Variants in ADAM10 observed in about 807,000 individuals in gnomAD.
ADAM10 encodes ADAM metallopeptidase domain 10.
A neutral mutation model predicts 90.1 loss-of-function variants in ADAM10; 17 were observed. The ratio of observed to expected loss-of-function variants is 0.19; its 90% CI spans 0.13 to 0.28. The LOEUF (loss-of-function observed/expected upper bound fraction) is 0.28, where lower values mean the gene tolerates loss of function less well. Ranked by LOEUF, ADAM10 falls within the 10% of genes least tolerant of loss-of-function variation. The probability of loss-of-function intolerance (pLI) is 1.00; values close to 1 mark genes in which losing one functional copy is unlikely to be tolerated. For missense variants in ADAM10, 610 were observed against 914.3 expected (o/e 0.67, Z 4.29); for synonymous variants, 310 against 298.6 (o/e 1.04, Z -0.40).
At chr15:58,716,295 G>A (rs148734743) in intron 2 of ADAM10, among the ~76,000 whole-genome samples, 132 of 152,240 alleles carry the variant, frequency 8.7e-4, no homozygotes, top group South Asian at 2.1e-3. Context: ...TGCCTGCTGT[G>A]AGGAACAGAA....
rs148227540 is a variant in ADAM10, at chr15:58,731,705, G to A, written c.56-13978C>T. The stretch of plus-strand genomic sequence containing the variant: ...CTCAGAAGGCAACAAGCACCCTGAG[G>A]TGACCCCACCCAAGGTAACTGGTAT... On this transcript the variant is annotated intron_variant, in intron 1 of 15. Coordinates refer to ENST00000260408, the MANE Select transcript of ADAM10 (RefSeq NM_001110.4). Among the ~76,000 whole-genome samples, 818 of 152,246 alleles carry A rather than the reference G, an allele frequency of 5.4e-3. 8 individuals carry two copies. Among genetic ancestry groups the A allele is most frequent in the African/African-American group, 0.018 (742 of 41,544 alleles).
At position 58,596,334 on chromosome 15, in the gene ADAM10, C is replaced by T. The variant is rs1894949553; in HGVS notation, c.*1213G>A. 6.6e-6 allele frequency: 1 copy of T among 152,506 alleles called. No individual in the cohort carries two copies. Among genetic ancestry groups the T allele is most frequent in the Non-Finnish European group, 1.5e-5 (1 of 67,982 alleles). The allele number at this position is 152,506 out of a possible 1,614,324, so 9.4% of individuals were successfully genotyped here. A position where few individuals can be genotyped will look rare whatever the true frequency, so the allele number is the denominator to read the frequency against. On this transcript the variant is annotated 3_prime_UTR_variant, in exon 16 of 16. Transcript: ENST00000260408. Reference sequence around the variant, plus strand: ...TTCTCTTTAAAATGCCAATTATTTACATCTGTTTCAAAAATAAATTTGGAA... The same window carrying T: ...TTCTCTTTAAAATGCCAATTATTTATATCTGTTTCAAAAATAAATTTGGAA...
intron 1 of ADAM10, among the ~76,000 whole-genome samples, chr15:58,718,990 C>T (rs1270924440): frequency 6.6e-6 from 1 of 152,164 alleles, no homozygotes; most frequent in African/African-American, 2.4e-5. Flanking sequence ...TACTGTTTCC[C>T]CTCTCAGGGT....
At chr15:58,695,087 T>A (rs1383679578) in intron 2 of ADAM10, among the ~76,000 whole-genome samples, 1 of 152,214 alleles carries the variant, frequency 6.6e-6, no homozygotes, top group Non-Finnish European at 1.5e-5. Context: ...TGTACATTTT[T>A]AAACATTGTC....
At chr15:58,734,508 T>C (rs554172677) in intron 1 of ADAM10, among the ~76,000 whole-genome samples, 50 of 152,192 alleles carry the variant, frequency 3.3e-4, no homozygotes, top group African/African-American at 1.1e-3. Flanking sequence ...AAAGACAGCC[T>C]GGGCAAGATG....
intron 5 of ADAM10, among the ~76,000 whole-genome samples, chr15:58,657,764 G>A (rs545034051): frequency 6.6e-6 from 1 of 152,082 alleles, no homozygotes; most frequent in Non-Finnish European, 1.5e-5. Context: ...TGTGGATGTT[G>A]GTTCACGTCT....
In ADAM10 at chr15:58,723,566, G is replaced by A. The variant is rs148296155; in HGVS notation, c.56-5839C>T. Among the ~76,000 whole-genome samples the A allele has an allele frequency of 8.4e-3, 1,282 of 152,070 alleles. 19 individuals carry two copies. The highest frequency in any genetic ancestry group is 0.029 in the African/African-American group (1,208 of 41,462). On this transcript the variant is annotated intron_variant, in intron 1 of 15. Transcript: ENST00000260408. ...AAATACAAAAAAAAATTAGCCTGCC[G>A]TGGTGACTGACGCCTGTAATCCCAG...
Position 58,658,270 on chromosome 15 carries a change from C to T in ADAM10, c.585+6827G>A, listed in dbSNP as rs558549232. On this transcript the variant is annotated intron_variant, in intron 5 of 15. Transcript: ENST00000260408. ...GTTCCAGTACCATTTGTTGAAAAGACTGTTCTTTCCTCTTTTAAATTACCT... is the reference window on the plus strand; with the variant it reads ...GTTCCAGTACCATTTGTTGAAAAGATTGTTCTTTCCTCTTTTAAATTACCT... 2.6e-5 allele frequency among the ~76,000 whole-genome samples: 4 copies of T among 152,070 alleles called. 1 individual carries two copies. In the South Asian group the frequency reaches 8.3e-4, roughly 32 times the overall value.
At chr15:58,678,427 T>C (rs1314355167) in intron 4 of ADAM10, among the ~76,000 whole-genome samples, 2 of 152,090 alleles carry the variant, frequency 1.3e-5, no homozygotes, top group African/African-American at 4.8e-5. Context: ...GAGAGACTAG[T>C]CTAATTACAG....
At chr15:58,649,928 G>A (rs372520928) in intron 5 of ADAM10, among the ~76,000 whole-genome samples, 2 of 152,222 alleles carry the variant, frequency 1.3e-5, no homozygotes, top group South Asian at 2.1e-4. Flanking sequence ...CAGACCTTCT[G>A]AAGGTATCAT....
chr15:58,653,976 A>G (rs1273670243), intron 5 of ADAM10, among the ~76,000 whole-genome samples: 1 of 151,988 alleles, frequency 6.6e-6, no homozygotes, highest in African/African-American at 2.4e-5. Flanking sequence ...TTTTCTCTAC[A>G]TTTTGCAATT....
rs182088330 is a variant in ADAM10, at chr15:58,685,420, G to A, written c.207-3106C>T. Reference sequence around the variant, plus strand: ...AGAGCTTGCAGTGAGCCGAGATCACGCCACTGCACTGCAGCCTAGGTGACA... The same window carrying A: ...AGAGCTTGCAGTGAGCCGAGATCACACCACTGCACTGCAGCCTAGGTGACA... On this transcript the variant is annotated intron_variant, in intron 2 of 15. Coordinates refer to ENST00000260408, the MANE Select transcript of ADAM10 (RefSeq NM_001110.4). 4.9e-4 allele frequency among the ~76,000 whole-genome samples: 74 copies of A among 150,924 alleles called. 2 individuals are homozygous for A. The East Asian group carries it at 0.014, about 28-fold the overall frequency.
chr15:58,597,179 A>G lies in ADAM10; in HGVS notation c.*368T>C. The G allele has an allele frequency of 1.8e-6, 1 of 563,732 alleles. No individual in the cohort carries two copies. Among genetic ancestry groups the G allele is most frequent in the Non-Finnish European group, 3.1e-6 (1 of 327,572 alleles). The allele number at this position is 563,732 out of a possible 1,614,324, so 34.9% of individuals were successfully genotyped here. On this transcript the variant is annotated 3_prime_UTR_variant, in exon 16 of 16. Transcript: ENST00000260408. ...TAGCCTTGATTGGCAGTTGAAAAAA[A>G]TATATTTATTTCAATTTGTGGTAAA...
chr15:58,639,957 A>G (rs1014629464), intron 8 of ADAM10, among the ~76,000 whole-genome samples: 3 of 152,068 alleles, frequency 2.0e-5, no homozygotes, highest in Non-Finnish European at 4.4e-5. Flanking sequence ...AGCTCAGAAG[A>G]TAATATACTA....
intron 8 of ADAM10, 26 bp from the exon 9 acceptor site, chr15:58,633,385 A>C (rs1896154646): frequency 1.2e-6 from 2 of 1,604,880 alleles, no homozygotes; most frequent in African/African-American, 2.7e-5. Context: ...AAAATGGCTA[A>C]ATTAGTATCT....
intron 8 of ADAM10, among the ~76,000 whole-genome samples, chr15:58,638,467 T>A (rs1286861813): frequency 6.6e-6 from 1 of 151,714 alleles, no homozygotes; most frequent in African/African-American, 2.4e-5. Context: ...TATAAAAAAT[T>A]AGCCACGCAT....
chr15:58,596,769 CCA>C lies in ADAM10; in HGVS notation c.*776_*777del, dbSNP rs1301784809. 1 of 152,462 alleles carries C rather than the reference CCA, an allele frequency of 6.6e-6. No individual in the cohort carries two copies. Among genetic ancestry groups the C allele is most frequent in the East Asian group, 1.9e-4 (1 of 5,206 alleles). The allele number at this position is 152,462 out of a possible 1,614,324, so 9.4% of individuals were successfully genotyped here. On this transcript the variant is annotated 3_prime_UTR_variant, in exon 16 of 16. Coordinates refer to ENST00000260408, the MANE Select transcript of ADAM10 (RefSeq NM_001110.4). ...TCTGAAGTAGTATGTGCTGCTATGT[CCA>C]GTTTGCACAACACTTAACTGTGTTC...
At chr15:58,642,257 G>C (rs1896435332) in intron 7 of ADAM10, among the ~76,000 whole-genome samples, 1 of 152,162 alleles carries the variant, frequency 6.6e-6, no homozygotes, top group South Asian at 2.1e-4. Flanking sequence ...CCTGAGGTCA[G>C]GAGTTCAAGA....
chr15:58,617,828 C>T (rs1895661641), intron 11 of ADAM10, among the ~76,000 whole-genome samples: 1 of 143,192 alleles, frequency 7.0e-6, no homozygotes, highest in Admixed American at 7.0e-5. Flanking sequence ...TTAATAAACG[C>T]AAGGAGGTGA....
Sources: allele counts gnomAD v4.1 joint callset (sites outside exome capture counted in the v4.1 genomes callset), GRCh38; gene constraint gnomAD v4.1.1; transcripts MANE v1.5; gene names NCBI Gene and HGNC (gene_info 2026-07-23, HGNC 2026-07-21).